IL15RA: variants seen among roughly 807,000 people sequenced by gnomAD.
IL15RA encodes interleukin 15 receptor subunit alpha, also known as interleukin-15 receptor subunit alpha.
Under a neutral mutation model 24.2 loss-of-function variants are expected in IL15RA, and 26 were observed. The observed-to-expected ratio is 1.07, with a 90% confidence interval of 0.79 to 1.49. The LOEUF is 1.49. Among genes scored for constraint, IL15RA ranks in the 40% most tolerant of loss-of-function variants. The pLI, the probability that IL15RA is intolerant of heterozygous loss-of-function variation, is 0.00. For synonymous variants in IL15RA, 166 were observed against 157.6 expected, an observed-to-expected ratio of 1.05 and a Z score of -0.40; for missense variants, 354 against 356.4, an observed-to-expected ratio of 0.99 and a Z score of 0.05.
At chr10:5,974,415 A>C (rs1838087159) in intron 1 of IL15RA, among the ~76,000 whole-genome samples, 1 of 152,204 alleles carries the variant, frequency 6.6e-6, no homozygotes, top group African/African-American at 2.4e-5. Context: ...GCAAATTAAA[A>C]CTACAAGGGG....
At chr10:5,949,148 C>G (rs753200059), downstream of IL15RA, 52 of 457,650 alleles carry the variant, frequency 1.1e-4, no homozygotes, top group African/African-American at 8.4e-4. The surrounding 1 kb of genome is among the most constrained non-coding windows in gnomAD (Gnocchi z 4.4). Context: ...GGGAGGAGCC[C>G]AAACGCTGGT....
rs1467394728 is a variant in IL15RA, at chr10:5,965,790, G to A, written c.283+355C>T. Among the ~76,000 whole-genome samples the A allele has an allele frequency of 2.6e-5, 4 of 152,020 alleles. No individual in the cohort carries two copies. Among genetic ancestry groups the A allele is most frequent in the Non-Finnish European group, 5.9e-5 (4 of 67,996 alleles). On this transcript the variant is annotated intron_variant, in intron 2 of 6. Coordinates refer to ENST00000379977, the MANE Select transcript of IL15RA (RefSeq NM_002189.4). The surrounding 1 kb of genome is among the most constrained non-coding windows in gnomAD (Gnocchi z 5.8). ...GGCTGGAGTGCAGTGGTGTGATCGC[G>A]GCTCACTGTGACCTCTACCTCCCGG...
chr10:5,972,544 A>G (rs1170829554), intron 1 of IL15RA, among the ~76,000 whole-genome samples: 1 of 152,222 alleles, frequency 6.6e-6, no homozygotes, highest in Admixed American at 6.5e-5. Context: ...CTGGATCTTA[A>G]TTGTGCTATT....
chr10:5,977,620 C>T, upstream of IL15RA: 1 of 1,259,238 alleles, frequency 7.9e-7, no homozygotes, highest in Non-Finnish European at 1.0e-6. Flanking sequence ...TTGCTTTGGC[C>T]CCCGAGGGCT....
In IL15RA at chr10:5,959,892, G is replaced by A. The variant is rs1589182116; in HGVS notation, c.584-106C>T. On this transcript the variant is annotated intron_variant, in intron 4 of 6. Coordinates refer to ENST00000379977, the MANE Select transcript of IL15RA (RefSeq NM_002189.4). This position sits in a 1 kb window ranked among gnomAD's most constrained non-coding sequence, Gnocchi z 4.1. ...CTTGGCTCCCATCTTAGCACCCTGG[G>A]AGACTCGTGGCTGGCGTAACCAGAC... is the stretch of plus-strand genomic sequence containing the variant. 4 of 1,051,342 alleles carry A rather than the reference G, an allele frequency of 3.8e-6. 1 individual carries two copies. Among genetic ancestry groups the A allele is most frequent in the South Asian group, 2.7e-5 (2 of 74,558 alleles). 65.1% of individuals were successfully genotyped at this position (1,051,342 alleles called of 1,614,324 possible). A position where few individuals can be genotyped will look rare whatever the true frequency, so the allele number is the denominator to read the frequency against.
chr10:5,960,606 AG>A lies in IL15RA; in HGVS notation c.383-40del, dbSNP rs1382248271. The A allele has an allele frequency of 6.4e-7, 1 of 1,558,944 alleles. No homozygotes were observed. Among genetic ancestry groups the A allele is most frequent in the African/African-American group, 1.4e-5 (1 of 73,880 alleles). On this transcript the variant is annotated intron_variant, in intron 3 of 6. Transcript: ENST00000379977. This position sits in a 1 kb window ranked among gnomAD's most constrained non-coding sequence, Gnocchi z 5.1. ...CAAGGCAGGGACAACATCAGTGTGC[AG>A]ACTCCCCTCCTCTCAGCTGCAGCAC... is the stretch of plus-strand genomic sequence containing the variant.
At position 5,959,899 on chromosome 10, in the gene IL15RA, G is replaced by T; in HGVS notation, c.584-113C>A. 1 of 948,448 alleles carries T rather than the reference G, an allele frequency of 1.1e-6. No homozygotes were observed. Among genetic ancestry groups the T allele is most frequent in the African/African-American group, 1.6e-5 (1 of 61,978 alleles). 58.8% of individuals were successfully genotyped at this position (948,448 alleles called of 1,614,324 possible). A position where few individuals can be genotyped will look rare whatever the true frequency, so the allele number is the denominator to read the frequency against. ...CCCATCTTAGCACCCTGGGAGACTC[G>T]TGGCTGGCGTAACCAGACTCATTTT... is the stretch of plus-strand genomic sequence containing the variant. On this transcript the variant is annotated intron_variant, in intron 4 of 6. Coordinates refer to ENST00000379977, the MANE Select transcript of IL15RA (RefSeq NM_002189.4). This position sits in a 1 kb window ranked among gnomAD's most constrained non-coding sequence, Gnocchi z 4.1.
At position 5,956,438 on chromosome 10, in the gene IL15RA, G is replaced by T. The variant is rs1272003155; in HGVS notation, c.633C>A (p.Ser211=). The T allele has an allele frequency of 1.9e-6, 3 of 1,613,958 alleles. No individual in the cohort carries two copies. The highest frequency in any genetic ancestry group is 1.7e-6 in the Non-Finnish European group (2 of 1,179,830). ...CGCTCAGCCCACACAGCAGGACAGT[G>T]GACGTGGAGATAGCCACTGAAAGGG... ...HSDTTVAIST[S]TVLLCGLSAV... The change falls in exon 6 of 7, where the codon TCC becomes TCA. Residue 211 remains serine (S), a synonymous_variant. Transcript: ENST00000379977.
At position 5,960,688 on chromosome 10, in the gene IL15RA, C is replaced by T; in HGVS notation, c.383-121G>A. ...ACCCTGACCAGCCCTCCCTCTCTCA[C>T]AGCCAACTGCTCCTTGAGAGGGTGA... On this transcript the variant is annotated intron_variant, in intron 3 of 6. Transcript: ENST00000379977. This position sits in a 1 kb window ranked among gnomAD's most constrained non-coding sequence, Gnocchi z 5.1. The T allele has an allele frequency of 1.3e-6, 1 of 767,772 alleles. No individual in the cohort carries two copies. The highest frequency in any genetic ancestry group is 1.6e-5 in the South Asian group (1 of 61,510). 47.6% of individuals were successfully genotyped at this position (767,772 alleles called of 1,614,324 possible).
At chr10:5,976,447 A>G (rs149472015) in intron 1 of IL15RA, among the ~76,000 whole-genome samples, 180 of 152,306 alleles carry the variant, frequency 1.2e-3, no homozygotes, top group African/African-American at 4.2e-3. Context: ...TAGAGAGTCC[A>G]TGGATGGCCT....
At chr10:5,957,899 T>A (rs1031012347) in intron 5 of IL15RA, among the ~76,000 whole-genome samples, 1 of 152,222 alleles carries the variant, frequency 6.6e-6, no homozygotes, top group Non-Finnish European at 1.5e-5. Context: ...GCTGATTTTT[T>A]AATCTAATAA....
chr10:5,959,631 T>A lies in IL15RA; in HGVS notation c.616+123A>T, dbSNP rs1208075816. ...AACTTATTATCTGATGGAGGCCTTC[T>A]GAGTGTGGAAGGGGCTGCTGTCAGG... is the stretch of plus-strand genomic sequence containing the variant. On this transcript the variant is annotated intron_variant, in intron 5 of 6. Transcript: ENST00000379977. The surrounding 1 kb of genome is among the most constrained non-coding windows in gnomAD (Gnocchi z 4.1). The A allele has an allele frequency of 2.5e-6, 2 of 798,942 alleles. No homozygotes were observed. Among genetic ancestry groups the A allele is most frequent in the African/African-American group, 3.4e-5 (2 of 58,918 alleles). 49.5% of individuals were successfully genotyped at this position (798,942 alleles called of 1,614,324 possible).
intron 6 of IL15RA, 101 bp downstream of exon 6, chr10:5,956,278 G>C: frequency 1.1e-6 from 1 of 901,922 alleles, no homozygotes; most frequent in Middle Eastern, 2.1e-4. Context: ...GCCTCCCAAA[G>C]TGCTGGAATT....
chr10:5,966,429 G>C lies in IL15RA; in HGVS notation c.89-90C>G, dbSNP rs1214405326. On this transcript the variant is annotated intron_variant, in intron 1 of 6. Coordinates refer to ENST00000379977, the MANE Select transcript of IL15RA (RefSeq NM_002189.4). The surrounding 1 kb of genome is among the most constrained non-coding windows in gnomAD (Gnocchi z 6.4). ...CACACGCAGCGGTAGTCAGTGTCCA[G>C]CTTATCCTAGGGGTGCCTCAGGACA... The C allele has an allele frequency of 2.7e-6, 3 of 1,096,952 alleles. No homozygotes were observed. The highest frequency in any genetic ancestry group is 1.5e-5 in the South Asian group (1 of 68,522). The allele number at this position is 1,096,952 out of a possible 1,614,324, so 68.0% of individuals were successfully genotyped here. A position where few individuals can be genotyped will look rare whatever the true frequency, so the allele number is the denominator to read the frequency against.
rs1837659112 is a variant in IL15RA at position 5,971,800 on chromosome 10, C to T, written c.89-5461G>A. On this transcript the variant is annotated intron_variant, in intron 1 of 6. Coordinates refer to ENST00000379977, the MANE Select transcript of IL15RA (RefSeq NM_002189.4). This position sits in a 1 kb window ranked among gnomAD's most constrained non-coding sequence, Gnocchi z 5.5. ...CAAAAAGTACAGACTGTCTCCAGCT[C>T]ACTGCCTGAAACTTGGCAATTCTTT... Among the ~76,000 whole-genome samples, 1 of 152,214 alleles carries T rather than the reference C, an allele frequency of 6.6e-6. No individual in the cohort carries two copies. Among genetic ancestry groups the T allele is most frequent in the African/African-American group, 2.4e-5 (1 of 41,432 alleles).
chr10:5,963,853 A>T lies in IL15RA; in HGVS notation c.284-12T>A, dbSNP rs376029288. 3 of 1,534,200 alleles carry T rather than the reference A, an allele frequency of 2.0e-6. No homozygotes were observed. The highest frequency in any genetic ancestry group is 2.6e-6 in the Non-Finnish European group (3 of 1,137,472). ...CAGGGCAGGGTCTCCTAGAGAGAGG[A>T]TAACCACATGGCACTTATGATCCTG... is the stretch of plus-strand genomic sequence containing the variant. On this transcript the variant is annotated splice_polypyrimidine_tract_variant and intron_variant, in intron 2 of 6. Transcript: ENST00000379977. This position sits in a 1 kb window ranked among gnomAD's most constrained non-coding sequence, Gnocchi z 5.3.
At chr10:5,978,606 A>G (rs1229228947), upstream of IL15RA, among the ~76,000 whole-genome samples, 2 of 152,236 alleles carry the variant, frequency 1.3e-5, no homozygotes, top group Non-Finnish European at 2.9e-5. The surrounding 1 kb of genome is among the most constrained non-coding windows in gnomAD (Gnocchi z 5.2). Context: ...GTTAAATAAA[A>G]GAATTTAGGG....
intron 1 of IL15RA, 200 bp downstream of exon 1, chr10:5,977,205 C>CGA: frequency 2.8e-6 from 1 of 357,654 alleles, no homozygotes; most frequent in East Asian, 4.1e-5. Flanking sequence ...CGGCGCTCTC[C>CGA]CTGCGACCCC....
In IL15RA at chr10:5,964,702, G is replaced by T. The variant is rs1836200876; in HGVS notation, c.284-861C>A. ...CCATCCCGGATTCATTTGCCCAAAG[G>T]ACATGGAGTGTCGAGGAGACCTGAC... is the stretch of plus-strand genomic sequence containing the variant. On this transcript the variant is annotated intron_variant, in intron 2 of 6. Coordinates refer to ENST00000379977, the MANE Select transcript of IL15RA (RefSeq NM_002189.4). This position sits in a 1 kb window ranked among gnomAD's most constrained non-coding sequence, Gnocchi z 5.6. 6.6e-6 allele frequency among the ~76,000 whole-genome samples: 1 copy of T among 152,148 alleles called. No homozygotes were observed. Among genetic ancestry groups the T allele is most frequent in the African/African-American group, 2.4e-5 (1 of 41,412 alleles).
Sources: gnomAD v4.1 joint callset for allele counts (sites outside exome capture counted in the v4.1 genomes callset) on GRCh38, gnomAD v4.1.1 for gene constraint, Gnocchi (gnomAD v3.1) non-coding constraint, MANE v1.5 for transcripts, NCBI Gene and HGNC (gene_info 2026-07-23, HGNC 2026-07-21) for gene names.